WWC2: variants seen among roughly 807,000 people sequenced by gnomAD.
WWC2 encodes the protein WW and C2 domain containing 2, also known as protein WWC2.
WWC2 carries 101 observed loss-of-function variants against 138.5 expected under a neutral mutation model. That is an observed-to-expected ratio of 0.73 (90% confidence interval 0.62 to 0.86). The LOEUF (loss-of-function observed/expected upper bound fraction) is 0.86. Ranked by LOEUF, WWC2 falls within the 40% of genes least tolerant of loss-of-function variation. The probability of loss-of-function intolerance (pLI) is 0.00; values close to 1 mark genes in which losing one functional copy is unlikely to be tolerated. For synonymous variants in WWC2, 558 were observed against 538.4 expected (o/e 1.04, Z -0.50); for missense variants, 1,420 against 1,419.4 (o/e 1.00, Z -0.01).
At chr4:183,292,821 A>G (rs1206390439) in intron 21 of WWC2, among the ~76,000 whole-genome samples, 1 of 152,236 alleles carries the variant, frequency 6.6e-6, no homozygotes, top group Non-Finnish European at 1.5e-5. Context: ...GGAAAATCGC[A>G]GGCCAGGCCA....
At chr4:183,103,125 A>G (rs975566357) in intron 1 of WWC2, among the ~76,000 whole-genome samples, 4 of 152,068 alleles carry the variant, frequency 2.6e-5, no homozygotes, top group Non-Finnish European at 5.9e-5. Context: ...AAACCCACTG[A>G]TAGACACTAA....
chr4:183,246,695 A>C (rs563574796), intron 6 of WWC2, among the ~76,000 whole-genome samples: 2 of 152,328 alleles, frequency 1.3e-5, no homozygotes, highest in African/African-American at 4.8e-5. Flanking sequence ...AAAGTTTCTT[A>C]AAGTCATACA....
intron 1 of WWC2, among the ~76,000 whole-genome samples, chr4:183,126,126 C>G (rs1561426133): frequency 6.6e-6 from 1 of 152,228 alleles, no homozygotes; most frequent in Non-Finnish European, 1.5e-5. Flanking sequence ...TGTGTCCATT[C>G]TTTCCTCCTT....
At chr4:183,249,776 A>G (rs888138546) in intron 7 of WWC2, 144 bp from the exon 8 acceptor site, 1 of 620,836 alleles carries the variant, frequency 1.6e-6, no homozygotes, top group Non-Finnish European at 2.8e-6. Flanking sequence ...ACAATAAAAT[A>G]AGTGTCTTTT....
chr4:183,174,591 A>G (rs1263052800), intron 1 of WWC2, among the ~76,000 whole-genome samples: 1 of 152,208 alleles, frequency 6.6e-6, no homozygotes, highest in Non-Finnish European at 1.5e-5. Context: ...GTAAGCACAT[A>G]TATTAAATCT....
chr4:183,312,299 C>T, intron 21 of WWC2, 42 bp from the exon 22 acceptor site: 1 of 1,603,424 alleles, frequency 6.2e-7, no homozygotes. Flanking sequence ...GATTTCTAAT[C>T]AGTGTTTTGT....
At chr4:183,240,554 C>G in intron 5 of WWC2, 1 of 229,918 alleles carries the variant, frequency 4.3e-6, no homozygotes, top group Non-Finnish European at 8.3e-6. Context: ...CTGGCCTCCT[C>G]TGAGATTGTG....
chr4:183,245,014 A>T (rs1736727228), intron 5 of WWC2, among the ~76,000 whole-genome samples: 1 of 152,076 alleles, frequency 6.6e-6, no homozygotes, highest in East Asian at 1.9e-4. Flanking sequence ...CGTGCGGATC[A>T]CGAGGTCAGG....
intron 14 of WWC2, among the ~76,000 whole-genome samples, chr4:183,267,357 A>T (rs552285604): frequency 6.6e-6 from 1 of 152,292 alleles, no homozygotes; most frequent in South Asian, 2.1e-4. Context: ...GAGATGAAAA[A>T]CACCAGTCAG....
intron 4 of WWC2, among the ~76,000 whole-genome samples, chr4:183,237,885 C>A (rs551914207): frequency 6.6e-6 from 1 of 152,016 alleles, no homozygotes; most frequent in Admixed American, 6.5e-5. Context: ...CCTCTTACAT[C>A]TCTTGCCACT....
In WWC2 at chr4:183,185,542, T is replaced by C. The variant is rs543882840; in HGVS notation, c.132-8057T>C. On this transcript the variant is annotated intron_variant, in intron 1 of 22. Transcript: ENST00000403733. ...GAGGCACATACCCATGATGTATATTTTTCCTGTTATTTGTAATTTTTCAAT... is the reference window on the plus strand; with the variant it reads ...GAGGCACATACCCATGATGTATATTCTTCCTGTTATTTGTAATTTTTCAAT... Among the ~76,000 whole-genome samples, 12 of 152,360 alleles carry C rather than the reference T, an allele frequency of 7.9e-5. 1 individual carries two copies. Among genetic ancestry groups the C allele is most frequent in the African/African-American group, 2.9e-4 (12 of 41,582 alleles).
intron 1 of WWC2, among the ~76,000 whole-genome samples, chr4:183,153,487 A>G (rs866315270): frequency 1.5e-4 from 23 of 152,200 alleles, no homozygotes; most frequent in African/African-American, 4.8e-4. Context: ...AAAAGCCACT[A>G]TAATTCATAC....
intron 4 of WWC2, among the ~76,000 whole-genome samples, chr4:183,209,860 A>G (rs776219516): frequency 4.6e-5 from 7 of 152,286 alleles, no homozygotes; most frequent in African/African-American, 7.2e-5. Context: ...CATGTAACCA[A>G]TACCCCCTGG....
chr4:183,113,511 TGTGTGC>T (rs1331122274), intron 1 of WWC2, among the ~76,000 whole-genome samples: 2 of 130,236 alleles, frequency 1.5e-5, no homozygotes, highest in African/African-American at 3.2e-5. Flanking sequence ...TGTGTGTGTG[TGTGTGC>T]GCGCGCGTGC....
intron 4 of WWC2, among the ~76,000 whole-genome samples, chr4:183,214,003 A>G (rs997219136): frequency 9.9e-5 from 15 of 152,080 alleles, no homozygotes; most frequent in African/African-American, 3.6e-4. Flanking sequence ...GTTTTTGGCT[A>G]ATTTTTATTA....
At chr4:183,138,679 A>G (rs901698226) in intron 1 of WWC2, among the ~76,000 whole-genome samples, 1 of 152,178 alleles carries the variant, frequency 6.6e-6, no homozygotes, top group Admixed American at 6.5e-5. Flanking sequence ...ATTAGGTGAA[A>G]GTCTCCTTTA....
Sources: gnomAD v4.1 joint callset for allele counts (sites outside exome capture counted in the v4.1 genomes callset) on GRCh38, gnomAD v4.1.1 for gene constraint, MANE v1.5 for transcripts, NCBI Gene and HGNC (gene_info 2026-07-23, HGNC 2026-07-21) for gene names.